Variants in CYP4A22 observed in about 807,000 individuals in gnomAD.
The protein encoded by CYP4A22 is cytochrome P450 family 4 subfamily A member 22.
Under a neutral mutation model 56.2 loss-of-function variants are expected in CYP4A22, and 46 were observed. That is an observed-to-expected ratio of 0.82 (90% CI 0.65 to 1.05). The LOEUF (loss-of-function observed/expected upper bound fraction) is 1.05. Ranked by LOEUF, CYP4A22 falls within the 50% of genes least tolerant of loss-of-function variation. The pLI, the probability that CYP4A22 is intolerant of heterozygous loss-of-function variation, is 0.00. For synonymous variants in CYP4A22, 193 were observed against 251.1 expected, an observed-to-expected ratio of 0.77 and a Z score of 2.19; for missense variants, 541 against 645.9, an observed-to-expected ratio of 0.84 and a Z score of 1.76.
chr1:47,147,678 G>T (rs1181771385), intron 11 of CYP4A22, among the ~76,000 whole-genome samples: 1 of 152,176 alleles, frequency 6.6e-6, no homozygotes, highest in Non-Finnish European at 1.5e-5. Flanking sequence ...GAGGCAGCTG[G>T]GCTGTGACTT....
chr1:47,139,967 A>T (rs1360908545), intron 1 of CYP4A22, among the ~76,000 whole-genome samples: 3 of 152,070 alleles, frequency 2.0e-5, no homozygotes, highest in Non-Finnish European at 2.9e-5. Flanking sequence ...TGGTGTGTGA[A>T]TCAGCAGCAG....
intron 2 of CYP4A22, 66 bp from the exon 3 acceptor site, chr1:47,141,505 T>G (rs1645008586): frequency 2.6e-6 from 4 of 1,566,596 alleles, no homozygotes; most frequent in East Asian, 2.3e-5. Flanking sequence ...CAAGAACTGA[T>G]GCTGCCTCTG....
chr1:47,148,487 A>C, intron 11 of CYP4A22, 115 bp from the exon 12 acceptor site: 1 of 1,393,974 alleles, frequency 7.2e-7, no homozygotes, highest in Non-Finnish European at 9.7e-7. Flanking sequence ...GGGGCTGGAC[A>C]CATGAGGTTG....
chr1:47,144,049 C>T, intron 6 of CYP4A22, 133 bp downstream of exon 6: 14 of 1,459,270 alleles, frequency 9.6e-6, no homozygotes, highest in East Asian at 2.4e-5. Context: ...AATTCCCTTG[C>T]TCAGGGGCTG....
chr1:47,138,289 T>G (rs1644967055), intron 1 of CYP4A22, among the ~76,000 whole-genome samples: 1 of 152,188 alleles, frequency 6.6e-6, no homozygotes, highest in Non-Finnish European at 1.5e-5. Context: ...ATTTAGGACC[T>G]GAAAACCTGA....
intron 4 of CYP4A22, among the ~76,000 whole-genome samples, chr1:47,142,957 C>T (rs1025104039): frequency 1.3e-5 from 2 of 152,182 alleles, no homozygotes; most frequent in African/African-American, 4.8e-5. Context: ...CCCAGAACAA[C>T]AATAACAACA....
rs9333039 is a variant in CYP4A22, at chr1:47,149,174, C to T, written c.*377C>T. ...ACCCTGACGCACCATAATCTAAGCC[C>T]GGGGCATAAAACCCCTCGTGGCTTG... On this transcript the variant is annotated 3_prime_UTR_variant, in exon 12 of 12. Transcript: ENST00000371891. The T allele has an allele frequency of 2.2e-4, 38 of 170,740 alleles. No homozygotes were observed. In the East Asian group the frequency reaches 5.5e-3, roughly 25 times the overall value. The allele number at this position is 170,740 out of a possible 1,614,324, so 10.6% of individuals were successfully genotyped here.
chr1:47,148,808 C>G lies in CYP4A22; in HGVS notation c.*11C>G. On this transcript the variant is annotated 3_prime_UTR_variant, in exon 12 of 12. Coordinates refer to ENST00000371891, the MANE Select transcript of CYP4A22 (RefSeq NM_001010969.4). Reference sequence around the variant, plus strand: ...AAGGACCAGCTTTGAGGGCCTCCACCTGCCATCCTGTCTTCCTGACCCCCA... The same window carrying G: ...AAGGACCAGCTTTGAGGGCCTCCACGTGCCATCCTGTCTTCCTGACCCCCA... 1.3e-6 allele frequency: 2 copies of G among 1,588,184 alleles called. No homozygotes were observed. The highest frequency in any genetic ancestry group is 2.7e-5 in the African/African-American group (2 of 74,560).
At position 47,148,828 on chromosome 1, in the gene CYP4A22, C is replaced by G. The variant is rs180918178; in HGVS notation, c.*31C>G. On this transcript the variant is annotated 3_prime_UTR_variant, in exon 12 of 12. Transcript: ENST00000371891. The stretch of plus-strand genomic sequence containing the variant: ...TCCACCTGCCATCCTGTCTTCCTGA[C>G]CCCCACTCCTATCTCCTGCCTGTCT... 4.2e-4 allele frequency: 660 copies of G among 1,570,728 alleles called. 4 individuals are homozygous for G. In the African/African-American group the frequency reaches 8.0e-3, roughly 19 times the overall value.
rs377651379 is a variant in CYP4A22, at chr1:47,146,062, G to C, written c.1288-15G>C. 88 of 1,614,036 alleles carry C rather than the reference G, an allele frequency of 5.5e-5. No individual in the cohort carries two copies. The highest frequency in any genetic ancestry group is 6.9e-5 in the Non-Finnish European group (82 of 1,180,036). On this transcript the variant is annotated splice_polypyrimidine_tract_variant and intron_variant, in intron 10 of 11. Transcript: ENST00000371891. The stretch of plus-strand genomic sequence containing the variant: ...TGGATCCTTAACTATCCTGGCTCTG[G>C]TGCTCTCTCTGCAGGTGTTTGACCC...
chr1:47,146,531 G>A (rs1645078453), intron 11 of CYP4A22: 1 of 1,102,250 alleles, frequency 9.1e-7, no homozygotes, highest in Non-Finnish European at 1.1e-6. Flanking sequence ...ATAGTAAACT[G>A]TAGATTTCTC....
chr1:47,138,554 T>C (rs1644971028), intron 1 of CYP4A22, among the ~76,000 whole-genome samples: 1 of 152,234 alleles, frequency 6.6e-6, no homozygotes, highest in Admixed American at 6.5e-5. Flanking sequence ...TGGGGCTGCA[T>C]GTAGCTCAGG....
At chr1:47,147,120 T>A in intron 11 of CYP4A22, 4 of 985,456 alleles carry the variant, frequency 4.1e-6, no homozygotes, top group Non-Finnish European at 4.8e-6. Flanking sequence ...ACAAAGTTTG[T>A]TCAAAGAAAT....
At chr1:47,143,630 T>C (rs1645038754) in intron 5 of CYP4A22, 132 bp from the exon 6 acceptor site, 1 of 1,343,322 alleles carries the variant, frequency 7.4e-7, no homozygotes, top group Non-Finnish European at 1.0e-6. Context: ...ATAATAGGGC[T>C]GTAAGATAGA....
intron 11 of CYP4A22, chr1:47,146,804 C>A (rs1247752407): frequency 2.0e-6 from 2 of 986,422 alleles, no homozygotes; most frequent in Admixed American, 6.1e-5. Context: ...ACATCTATTT[C>A]CCCATTTGGC....
intron 11 of CYP4A22, 77 bp downstream of exon 11, chr1:47,146,230 G>C (rs539797272): frequency 6.2e-7 from 1 of 1,611,070 alleles, no homozygotes; most frequent in African/African-American, 1.3e-5. Context: ...TTGTGAGCCC[G>C]ATGTTCATAT....
At position 47,142,097 on chromosome 1, in the gene CYP4A22, G is replaced by A; in HGVS notation, c.383-11G>A. On this transcript the variant is annotated splice_polypyrimidine_tract_variant and intron_variant, in intron 3 of 11. Transcript: ENST00000371891. ...GATACACACACATACACATATTCGT[G>A]TCTACCTTAGGGTACGGCTTGCTCC... 1 of 1,610,662 alleles carries A rather than the reference G, an allele frequency of 6.2e-7. No individual in the cohort carries two copies. Among genetic ancestry groups the A allele is most frequent in the East Asian group, 2.2e-5 (1 of 44,844 alleles).
At chr1:47,145,611 C>G (rs932533941) in intron 9 of CYP4A22, among the ~76,000 whole-genome samples, 16 of 152,208 alleles carry the variant, frequency 1.1e-4, no homozygotes, top group Admixed American at 6.5e-5. Context: ...TGAAATGTCA[C>G]TGGACTTACT....
chr1:47,147,803 C>G (rs1448355355), intron 11 of CYP4A22, among the ~76,000 whole-genome samples: 1 of 152,146 alleles, frequency 6.6e-6, no homozygotes, highest in Non-Finnish European at 1.5e-5. Flanking sequence ...CAAGAGCCCA[C>G]GGAGGGCTTG....
Sources: gnomAD v4.1 joint callset for allele counts (sites outside exome capture counted in the v4.1 genomes callset) on GRCh38, gnomAD v4.1.1 for gene constraint, MANE v1.5 for transcripts, NCBI Gene and HGNC (gene_info 2026-07-23, HGNC 2026-07-21) for gene names.